NKAIN2: variants seen among roughly 807,000 people sequenced by gnomAD.
NKAIN2 encodes the protein sodium/potassium transporting ATPase interacting 2, also known as sodium/potassium-transporting ATPase subunit beta-1-interacting protein 2.
Under a neutral mutation model 32.6 loss-of-function variants are expected in NKAIN2, and 14 were observed. The ratio of observed to expected loss-of-function variants is 0.43; its 90% CI spans 0.28 to 0.67. The LOEUF (loss-of-function observed/expected upper bound fraction) is 0.67, where lower values mean the gene tolerates loss of function less well. Ranked by LOEUF, NKAIN2 falls within the 30% of genes least tolerant of loss-of-function variation. The pLI, the probability that NKAIN2 is intolerant of heterozygous loss-of-function variation, is 0.17. For synonymous variants in NKAIN2, 80 were observed against 87.2 expected (o/e 0.92, Z 0.46); for missense variants, 198 against 258.3 (o/e 0.77, Z 1.60).
chr6:123,836,642 C>CA (rs112403636), intron 1 of NKAIN2, among the ~76,000 whole-genome samples: 58,272 of 146,644 alleles, frequency 0.4, 12,539 homozygotes, highest in Middle Eastern at 0.54. Context: ...CATCCTGGAC[C>CA]AAAAAAAAAA....
chr6:124,590,388 A>G (rs1871329), intron 3 of NKAIN2, among the ~76,000 whole-genome samples: 37,153 of 152,152 alleles, frequency 0.24, 4,615 homozygotes, highest in Middle Eastern at 0.34. Context: ...AAATTCCACA[A>G]TCTTGCATTC....
intron 4 of NKAIN2, among the ~76,000 whole-genome samples, chr6:124,773,639 G>A (rs1173389818): frequency 6.6e-6 from 1 of 152,128 alleles, no homozygotes; most frequent in Non-Finnish European, 1.5e-5. Flanking sequence ...AGAGGGACTA[G>A]ACCCAGCAAT....
At chr6:124,308,096 A>T (rs1345602129) in intron 2 of NKAIN2, among the ~76,000 whole-genome samples, 1 of 152,134 alleles carries the variant, frequency 6.6e-6, no homozygotes, top group Non-Finnish European at 1.5e-5. Flanking sequence ...CTAGGTTTTA[A>T]GCCCCGCATG....
intron 2 of NKAIN2, among the ~76,000 whole-genome samples, chr6:124,344,568 C>T (rs1394068326): frequency 6.6e-6 from 1 of 151,526 alleles, no homozygotes; most frequent in Non-Finnish European, 1.5e-5. Context: ...AGTTGGATTC[C>T]TAAGTATTTT....
At chr6:123,888,247 T>C (rs1021435604) in intron 1 of NKAIN2, among the ~76,000 whole-genome samples, 1 of 152,140 alleles carries the variant, frequency 6.6e-6, no homozygotes, top group Non-Finnish European at 1.5e-5. Flanking sequence ...ATAGGCACCA[T>C]ATCACATGAG....
At chr6:123,963,719 C>T (rs1306305115) in intron 1 of NKAIN2, among the ~76,000 whole-genome samples, 5 of 152,154 alleles carry the variant, frequency 3.3e-5, no homozygotes, top group Non-Finnish European at 5.9e-5. Flanking sequence ...TGCCAATTTT[C>T]GAGTTCAAAT....
chr6:124,823,626 T>C lies in NKAIN2; in HGVS notation c.*397T>C, dbSNP rs952671412. On this transcript the variant is annotated 3_prime_UTR_variant, in exon 7 of 7. Transcript: ENST00000368417. ...AGCTGGGAAGTCATCCAAGGCACATTAGTTTGAGAGCTCTGTCTTCTGCAC... is the reference window on the plus strand; with the variant it reads ...AGCTGGGAAGTCATCCAAGGCACATCAGTTTGAGAGCTCTGTCTTCTGCAC... The C allele has an allele frequency of 4.7e-5, 9 of 192,422 alleles. No homozygotes were observed. Among genetic ancestry groups the C allele is most frequent in the Non-Finnish European group, 8.7e-5 (8 of 92,190 alleles). The allele number at this position is 192,422 out of a possible 1,614,324, so 11.9% of individuals were successfully genotyped here.
intron 1 of NKAIN2, among the ~76,000 whole-genome samples, chr6:124,276,827 A>G (rs2114899475): frequency 6.6e-6 from 1 of 152,322 alleles, no homozygotes; most frequent in South Asian, 2.1e-4. Context: ...TCTGGAGCAG[A>G]CAGGCCCAGA....
intron 1 of NKAIN2, among the ~76,000 whole-genome samples, chr6:123,954,248 G>C (rs1464458894): frequency 2.0e-5 from 3 of 152,206 alleles, no homozygotes; most frequent in African/African-American, 7.2e-5. Flanking sequence ...TTTAGGACTC[G>C]GGGTGTGTGT....
intron 1 of NKAIN2, among the ~76,000 whole-genome samples, chr6:124,175,289 C>T (rs1316444804): frequency 6.6e-6 from 1 of 152,124 alleles, no homozygotes; most frequent in Non-Finnish European, 1.5e-5. Flanking sequence ...GGCTGCACAT[C>T]TGTATGAAGG....
At chr6:124,150,804 C>T (rs9491072) in intron 1 of NKAIN2, among the ~76,000 whole-genome samples, 4,585 of 152,104 alleles carry the variant, frequency 0.03, 232 homozygotes, top group African/African-American at 0.1. Context: ...AAACTTAGAA[C>T]AATTTTTCTA....
At chr6:124,547,179 G>C (rs1780123166) in intron 3 of NKAIN2, among the ~76,000 whole-genome samples, 2 of 151,968 alleles carry the variant, frequency 1.3e-5, no homozygotes. Flanking sequence ...TAAAGACAAA[G>C]TGAGAAACGG....
Position 124,737,265 on chromosome 6 carries a change from A to G in NKAIN2, c.475-54074A>G, listed in dbSNP as rs570969519. ...TTGAATCACAGGGATGGTTACCTCCATGCTGCTGTTCTTGTGATAAGTCAA... is the reference window on the plus strand; with the variant it reads ...TTGAATCACAGGGATGGTTACCTCCGTGCTGCTGTTCTTGTGATAAGTCAA... On this transcript the variant is annotated intron_variant, in intron 4 of 6. Coordinates refer to ENST00000368417, the MANE Select transcript of NKAIN2 (RefSeq NM_001040214.3). Among the ~76,000 whole-genome samples, 3 of 151,974 alleles carry G rather than the reference A, an allele frequency of 2.0e-5. 1 individual carries two copies. Among genetic ancestry groups the G allele is most frequent in the Admixed American group, 1.3e-4 (2 of 15,244 alleles).
At chr6:124,053,121 G>A (rs1046233034) in intron 1 of NKAIN2, among the ~76,000 whole-genome samples, 1 of 151,782 alleles carries the variant, frequency 6.6e-6, no homozygotes, top group African/African-American at 2.4e-5. Flanking sequence ...AATTTCAGGG[G>A]TCAATGTGCA....
intron 3 of NKAIN2, among the ~76,000 whole-genome samples, chr6:124,370,650 G>T (rs1057397433): frequency 1.3e-5 from 2 of 151,982 alleles, no homozygotes; most frequent in Non-Finnish European, 2.9e-5. Flanking sequence ...ATACCACAGG[G>T]ATACTCTGTT....
intron 2 of NKAIN2, among the ~76,000 whole-genome samples, chr6:124,322,445 G>T (rs1294327917): frequency 6.6e-6 from 1 of 152,130 alleles, no homozygotes; most frequent in Non-Finnish European, 1.5e-5. Flanking sequence ...GGCAAAATGT[G>T]TTGTGTAGTT....
chr6:124,051,505 A>G (rs1012851318), intron 1 of NKAIN2, among the ~76,000 whole-genome samples: 14 of 151,966 alleles, frequency 9.2e-5, no homozygotes, highest in Non-Finnish European at 1.5e-4. Flanking sequence ...TAAATGTGCC[A>G]TGTTGGTGTG....
chr6:124,109,627 G>C (rs1460030293), intron 1 of NKAIN2, among the ~76,000 whole-genome samples: 2 of 152,008 alleles, frequency 1.3e-5, no homozygotes, highest in Non-Finnish European at 2.9e-5. Context: ...TTGCTCTGGA[G>C]AGAACTTCTA....
intron 1 of NKAIN2, among the ~76,000 whole-genome samples, chr6:123,988,386 G>A (rs564808282): frequency 4.6e-5 from 7 of 152,260 alleles, no homozygotes; most frequent in Non-Finnish European, 1.0e-4. Context: ...TGTTTTTATG[G>A]GGATTGGGGG....
Sources: gnomAD v4.1 joint callset for allele counts (sites outside exome capture counted in the v4.1 genomes callset) on GRCh38, gnomAD v4.1.1 for gene constraint, MANE v1.5 for transcripts, NCBI Gene and HGNC (gene_info 2026-07-23, HGNC 2026-07-21) for gene names.